The following TKFC variants were observed in gnomAD, a reference collection of about 807,000 sequenced individuals.
TKFC encodes triokinase/FMN cyclase.
Under a neutral mutation model 61.0 loss-of-function variants are expected in TKFC, and 46 were observed. That is an observed-to-expected ratio of 0.75 (90% CI 0.60 to 0.96). The LOEUF is 0.96. TKFC is among the 50% of genes least tolerant of loss of function. TKFC has a pLI of 0.00. For synonymous variants in TKFC, 314 were observed against 330.1 expected (o/e 0.95, Z 0.53); for missense variants, 715 against 777.5 (o/e 0.92, Z 0.96).
chr11:61,346,876 A>G lies in TKFC; in HGVS notation c.*373A>G. ...TGCTTTCCGCACCTTAACCCCAGTG[A>G]GCGTGAAAAAGAAAGTTAATAAACT... On this transcript the variant is annotated 3_prime_UTR_variant, in exon 18 of 18. Coordinates refer to ENST00000394900, the MANE Select transcript of TKFC (RefSeq NM_015533.4). This position sits in a 1 kb window ranked among gnomAD's most constrained non-coding sequence, Gnocchi z 4.1. 9.8e-7 allele frequency: 1 copy of G among 1,015,948 alleles called. No homozygotes were observed. The highest frequency in any genetic ancestry group is 1.2e-6 in the Non-Finnish European group (1 of 849,978). 62.9% of individuals were successfully genotyped at this position (1,015,948 alleles called of 1,614,324 possible).
chr11:61,342,756 C>A lies in TKFC; in HGVS notation c.777C>A (p.Gly259=). The part of the protein sequence containing the change: ...TNASHVPVQP[G]SSVVMMVNNL... ...CTGGGGTGTCATGTCTACCCGCAGGCTCCTCAGTTGTGATGATGGTCAACA... is the reference window on the plus strand; with the variant it reads ...CTGGGGTGTCATGTCTACCCGCAGGATCCTCAGTTGTGATGATGGTCAACA... The change falls in exon 10 of 18, where the codon GGC becomes GGA. Residue 259 remains glycine (G), a splice_region_variant and synonymous_variant. Transcript: ENST00000394900. 1.9e-6 allele frequency: 3 copies of A among 1,614,056 alleles called. No homozygotes were observed. The highest frequency in any genetic ancestry group is 2.5e-6 in the Non-Finnish European group (3 of 1,180,030).
rs1856697516 is a variant in TKFC at position 61,338,216 on chromosome 11, A to T, written c.193+86A>T. 6 of 1,325,144 alleles carry T rather than the reference A, an allele frequency of 4.5e-6. No individual in the cohort carries two copies. In the East Asian group the frequency reaches 1.6e-4, roughly 35 times the overall value. 82.1% of individuals were successfully genotyped at this position (1,325,144 alleles called of 1,614,324 possible). On this transcript the variant is annotated intron_variant, in intron 3 of 17. Transcript: ENST00000394900. ...CCTTAGTGCTGCCATGAAGTGCAGG[A>T]TGGAGCTCAGCCCAGAATCAGGAAC...
At chr11:61,350,022 G>A (rs1857323441), downstream of TKFC, 8 of 483,688 alleles carry the variant, frequency 1.7e-5, no homozygotes, top group South Asian at 1.1e-4. Context: ...CGGCCAGAGC[G>A]AGGAGGACCT....
At chr11:61,338,261 C>A (rs1856699642) in intron 3 of TKFC, 131 bp downstream of exon 3, 1 of 845,204 alleles carries the variant, frequency 1.2e-6, no homozygotes, top group Non-Finnish European at 1.7e-6. Flanking sequence ...TCCCACTCTC[C>A]CACTCCCTCC....
At position 61,345,309 on chromosome 11, in the gene TKFC, G is replaced by C; in HGVS notation, c.1290G>C (p.Gln430His). Reference protein sequence around the residue: ...KEGPPPASPAQLLSKLSVLLL... With the variant: ...KEGPPPASPAHLLSKLSVLLL... ...GCCCACCCCCTGCCAGCCCTGCCCA[G>C]CTGCTCTCCAAGTTGTCTGTCCTGC... is the stretch of plus-strand genomic sequence containing the variant. The change falls in exon 14 of 18, where the codon CAG becomes CAC. Residue 430 changes from glutamine (Q) to histidine (H), a missense_variant. Physicochemically the swap from Gln to His is conservative, Grantham distance 24. Transcript: ENST00000394900. 6.2e-7 allele frequency: 1 copy of C among 1,603,856 alleles called. No individual in the cohort carries two copies. The highest frequency in any genetic ancestry group is 8.5e-7 in the Non-Finnish European group (1 of 1,173,252).
rs1029373767 is a variant in TKFC at position 61,333,282 on chromosome 11, C to T, written c.-157C>T. 7.8e-6 allele frequency: 2 copies of T among 255,202 alleles called. No homozygotes were observed. The highest frequency in any genetic ancestry group is 5.5e-5 in the Admixed American group (1 of 18,258). The allele number at this position is 255,202 out of a possible 1,614,324, so 15.8% of individuals were successfully genotyped here. On this transcript the variant is annotated 5_prime_UTR_variant, in exon 1 of 18. Coordinates refer to ENST00000394900, the MANE Select transcript of TKFC (RefSeq NM_015533.4). ...GCACGCTTCGGGGTCTCCGGGAAGTCGCGGCGCCTTCGGATGTGGCGGATG... is the reference window on the plus strand; with the variant it reads ...GCACGCTTCGGGGTCTCCGGGAAGTTGCGGCGCCTTCGGATGTGGCGGATG...
Position 61,345,305 on chromosome 11 carries a change from C to T in TKFC, c.1286C>T (p.Ala429Val). 6.2e-7 allele frequency: 1 copy of T among 1,602,634 alleles called. No individual in the cohort carries two copies. The highest frequency in any genetic ancestry group is 2.2e-5 in the East Asian group (1 of 44,680). The change falls in exon 14 of 18, where the codon GCC becomes GTC. Residue 429 changes from alanine to valine, a missense_variant. Physicochemically the swap from Ala to Val is moderately conservative, Grantham distance 64. Transcript: ENST00000394900. ...LKEGPPPASP[A>V]QLLSKLSVLL... ...GAGGGCCCACCCCCTGCCAGCCCTG[C>T]CCAGCTGCTCTCCAAGTTGTCTGTC... is the stretch of plus-strand genomic sequence containing the variant.
At chr11:61,351,252 TC>T, downstream of TKFC, 2 of 1,160,232 alleles carry the variant, frequency 1.7e-6, no homozygotes, top group Non-Finnish European at 2.3e-6. Flanking sequence ...CCTTCCCGGG[TC>T]CATATGTGAT....
In TKFC at chr11:61,342,099, A is replaced by G. The variant is rs77067031; in HGVS notation, c.655+187A>G. Among the ~76,000 whole-genome samples the G allele has an allele frequency of 3.7e-3, 556 of 152,206 alleles. 5 individuals carry two copies. The highest frequency in any genetic ancestry group is 0.013 in the African/African-American group (539 of 41,504). ...TACCTGCTTTGCTGTCTATACCCAC[A>G]GCTTTGGCCATGTGGAGCTCTGTGC... On this transcript the variant is annotated intron_variant, in intron 7 of 17. Coordinates refer to ENST00000394900, the MANE Select transcript of TKFC (RefSeq NM_015533.4).
At chr11:61,351,289 T>C (rs973452022), downstream of TKFC, 40 of 796,068 alleles carry the variant, frequency 5.0e-5, no homozygotes, top group African/African-American at 7.7e-5. Context: ...CCTTTCTTTT[T>C]TTTTTTTTTT....
In TKFC at chr11:61,341,431, T is replaced by C. The variant is rs758681146; in HGVS notation, c.487-5T>C. 38 of 1,552,786 alleles carry C rather than the reference T, an allele frequency of 2.4e-5. No individual in the cohort carries two copies. The South Asian group carries it at 4.5e-4, about 18-fold the overall frequency. ...CCTGGGGCTTTTACCTCTTTGTGGC[T>C]GCAGGTGGCAGGTGCTCTGGCTGAG... On this transcript the variant is annotated splice_region_variant and splice_polypyrimidine_tract_variant and intron_variant, in intron 5 of 17. Transcript: ENST00000394900.
downstream of TKFC, chr11:61,352,120 A>G (rs1857441124): frequency 6.6e-6 from 1 of 152,244 alleles, no homozygotes; most frequent in Non-Finnish European, 1.5e-5. Context: ...TGGCACAGCC[A>G]AGATCGAAAC....
At position 61,345,496 on chromosome 11, in the gene TKFC, C is replaced by T; in HGVS notation, c.1382C>T (p.Pro461Leu). 1.2e-6 allele frequency: 2 copies of T among 1,613,402 alleles called. No homozygotes were observed. The highest frequency in any genetic ancestry group is 1.7e-6 in the Non-Finnish European group (2 of 1,180,038). Residue 461 changes from proline (P) to leucine (L), a missense_variant, in exon 15 of 18, where the codon CCC becomes CTC. Coordinates refer to ENST00000394900, the MANE Select transcript of TKFC (RefSeq NM_015533.4). Reference protein sequence around the residue: ...YGLFLTAAAQPLKAKTSLPAW... With the variant: ...YGLFLTAAAQLLKAKTSLPAW... ...CTGTTCCTGACTGCGGCTGCACAGC[C>T]CCTGAAGGCCAAGACCAGCCTCCCA... is the stretch of plus-strand genomic sequence containing the variant.
At chr11:61,337,209 G>A (rs907335619) in intron 2 of TKFC, among the ~76,000 whole-genome samples, 4 of 152,118 alleles carry the variant, frequency 2.6e-5, no homozygotes, top group South Asian at 2.1e-4. Context: ...GCAGTGGCAC[G>A]ATGACAGCTT....
At chr11:61,337,033 G>A (rs1856635950) in intron 2 of TKFC, among the ~76,000 whole-genome samples, 1 of 152,194 alleles carries the variant, frequency 6.6e-6, no homozygotes, top group African/African-American at 2.4e-5. Context: ...TCGGGAGGCT[G>A]CGGCCCCTCC....
In TKFC at chr11:61,345,616, T is replaced by C. The variant is rs1288013382; in HGVS notation, c.1451+51T>C. On this transcript the variant is annotated intron_variant, in intron 15 of 17. Coordinates refer to ENST00000394900, the MANE Select transcript of TKFC (RefSeq NM_015533.4). ...CCAGGGGTGGGCTGGGGGAGGTGTT[T>C]GGTGACATCTGCGCCCTGCCAGGCC... The C allele has an allele frequency of 1.2e-5, 20 of 1,611,902 alleles. No homozygotes were observed. In the Admixed American group the frequency reaches 3.3e-4, roughly 27 times the overall value.
chr11:61,349,427 G>A (rs1857291345), downstream of TKFC: 12 of 653,590 alleles, frequency 1.8e-5, no homozygotes, highest in Non-Finnish European at 3.4e-5. Flanking sequence ...AGAGAGCAAG[G>A]CCAGACCTGC....
At position 61,334,712 on chromosome 11, in the gene TKFC, T is replaced by C; in HGVS notation, c.-17T>C. On this transcript the variant is annotated 5_prime_UTR_variant, in exon 2 of 18. Coordinates refer to ENST00000394900, the MANE Select transcript of TKFC (RefSeq NM_015533.4). ...GTGCAACGGTGTGAACTCAGCCTGT[T>C]TCAGAGCCTCCACACCATGGTGAGT... is the stretch of plus-strand genomic sequence containing the variant. The C allele has an allele frequency of 6.2e-7, 1 of 1,614,090 alleles. No individual in the cohort carries two copies. Among genetic ancestry groups the C allele is most frequent in the Non-Finnish European group, 8.5e-7 (1 of 1,179,962 alleles).
At chr11:61,353,268 A>G, downstream of TKFC, 1 of 1,193,886 alleles carries the variant, frequency 8.4e-7, no homozygotes, top group Non-Finnish European at 1.1e-6. Context: ...CCCACCTGGC[A>G]TTGCCCACTA....
Sources: allele counts gnomAD v4.1 joint callset (sites outside exome capture counted in the v4.1 genomes callset), GRCh38; gene constraint gnomAD v4.1.1; non-coding constraint Gnocchi (gnomAD v3.1); transcripts MANE v1.5; gene names NCBI Gene and HGNC (gene_info 2026-07-23, HGNC 2026-07-21).